RBFOX1: variants seen among roughly 807,000 people sequenced by gnomAD.
RBFOX1 encodes RNA binding fox-1 homolog 1, also known as RNA binding protein fox-1 homolog 1.
RBFOX1 carries 8 observed loss-of-function variants against 57.7 expected under a neutral mutation model. The ratio of observed to expected loss-of-function variants is 0.14; its 90% CI spans 0.08 to 0.25. The LOEUF (loss-of-function observed/expected upper bound fraction) is 0.25. Among genes scored for constraint, RBFOX1 ranks in the 10% least tolerant of loss-of-function variants. The pLI, the probability that RBFOX1 is intolerant of heterozygous loss-of-function variation, is 1.00. For synonymous variants in RBFOX1, 326 were observed against 222.4 expected, an observed-to-expected ratio of 1.47 and a Z score of -4.15; for missense variants, 611 against 548.5, an observed-to-expected ratio of 1.11 and a Z score of -1.14.
intron 2 of RBFOX1, among the ~76,000 whole-genome samples, chr16:6,605,819 GC>G (rs2097917758): frequency 6.6e-6 from 1 of 152,116 alleles, no homozygotes; most frequent in Admixed American, 6.5e-5. Flanking sequence ...ATGCATCCTG[GC>G]AGGCCACAGT....
chr16:5,258,912 GA>G (rs112423898), intron 1 of RBFOX1, among the ~76,000 whole-genome samples: 38 of 141,532 alleles, frequency 2.7e-4, no homozygotes, highest in African/African-American at 2.6e-4. Context: ...ACGAATCTCT[GA>G]AAAAAAAAAA....
intron 1 of RBFOX1, among the ~76,000 whole-genome samples, chr16:5,313,026 G>A (rs1397833675): frequency 1.3e-5 from 2 of 152,128 alleles, no homozygotes; most frequent in East Asian, 1.9e-4. Flanking sequence ...GGCAGGCTCA[G>A]TGATGAGATG....
rs549764819 is a variant in RBFOX1 at position 7,444,845 on chromosome 16, T to C, written c.28-73302T>C. Among the ~76,000 whole-genome samples the C allele has an allele frequency of 2.0e-5, 3 of 152,316 alleles. No individual in the cohort carries two copies. The South Asian group carries it at 6.2e-4, about 32-fold the overall frequency. Reference sequence around the variant, plus strand: ...CCGTGCCCCACTGACATTTTACTCTTAATCCTGGCCTGTATTTAAAGGGTC... The same window carrying C: ...CCGTGCCCCACTGACATTTTACTCTCAATCCTGGCCTGTATTTAAAGGGTC... On this transcript the variant is annotated intron_variant, in intron 4 of 15. Transcript: ENST00000550418.
intron 4 of RBFOX1, among the ~76,000 whole-genome samples, chr16:7,190,478 C>G (rs368298755): frequency 2.0e-5 from 3 of 152,030 alleles, no homozygotes; most frequent in African/African-American, 7.3e-5. Flanking sequence ...GGTATTTTTA[C>G]ATATCATCCA....
chr16:7,677,160 C>CAG (rs1555762483), intron 14 of RBFOX1, among the ~76,000 whole-genome samples: 51 of 151,340 alleles, frequency 3.4e-4, no homozygotes, highest in South Asian at 1.0e-3. Context: ...CACACACACA[C>CAG]CGTACAACCT....
intron 2 of RBFOX1, among the ~76,000 whole-genome samples, chr16:5,577,114 C>T (rs1326030927): frequency 6.6e-6 from 1 of 152,236 alleles, no homozygotes; most frequent in East Asian, 1.9e-4. Flanking sequence ...GTCTCTCTCT[C>T]TTAATGGACT....
At chr16:7,488,312 C>G (rs554441773) in intron 4 of RBFOX1, among the ~76,000 whole-genome samples, 2 of 152,240 alleles carry the variant, frequency 1.3e-5, no homozygotes, top group South Asian at 4.1e-4. Context: ...CATTTTTCTC[C>G]TTTTCTTTTT....
At chr16:7,478,838 C>G (rs939027802) in intron 4 of RBFOX1, among the ~76,000 whole-genome samples, 1 of 152,110 alleles carries the variant, frequency 6.6e-6, no homozygotes, top group Admixed American at 6.5e-5. Flanking sequence ...TGTAGAAAAC[C>G]TCCTTTGCTT....
At chr16:5,711,942 A>G (rs2051502419) in intron 3 of RBFOX1, among the ~76,000 whole-genome samples, 1 of 152,226 alleles carries the variant, frequency 6.6e-6, no homozygotes, top group African/African-American at 2.4e-5. Context: ...CTAAAAAGAA[A>G]TATCCCAGAC....
intron 13 of RBFOX1, among the ~76,000 whole-genome samples, chr16:7,669,120 T>C (rs2070490228): frequency 6.6e-6 from 1 of 152,166 alleles, no homozygotes; most frequent in South Asian, 2.1e-4. Context: ...GCCAGGCTGG[T>C]CTCAAACTCC....
intron 1 of RBFOX1, among the ~76,000 whole-genome samples, chr16:5,285,493 G>A (rs866227775): frequency 9.2e-5 from 14 of 152,068 alleles, no homozygotes; most frequent in African/African-American, 2.9e-4. Context: ...GAGAATTATT[G>A]TGCTTCTTTG....
At chr16:5,801,281 A>G (rs2055046037) in intron 3 of RBFOX1, among the ~76,000 whole-genome samples, 1 of 152,066 alleles carries the variant, frequency 6.6e-6, no homozygotes, top group African/African-American at 2.4e-5. Context: ...ATTTACATTA[A>G]GCACTTTCAA....
chr16:6,806,131 A>G (rs2086707959), intron 3 of RBFOX1, among the ~76,000 whole-genome samples: 1 of 152,218 alleles, frequency 6.6e-6, no homozygotes, highest in African/African-American at 2.4e-5. Flanking sequence ...TAGATGATTT[A>G]GAGTGGAATT....
At chr16:6,558,882 G>A (rs908257621) in intron 2 of RBFOX1, among the ~76,000 whole-genome samples, 1 of 151,152 alleles carries the variant, frequency 6.6e-6, no homozygotes, top group South Asian at 2.1e-4. Flanking sequence ...GACGTTGTGA[G>A]CATTCTGCTC....
intron 4 of RBFOX1, among the ~76,000 whole-genome samples, chr16:5,871,191 G>A (rs2057461947): frequency 1.3e-5 from 2 of 152,174 alleles, no homozygotes; most frequent in South Asian, 4.1e-4. Context: ...ACCCTGTAGA[G>A]GAAAGAGCTT....
At chr16:6,877,794 T>G (rs2062118906) in intron 3 of RBFOX1, among the ~76,000 whole-genome samples, 1 of 151,962 alleles carries the variant, frequency 6.6e-6, no homozygotes, top group South Asian at 2.1e-4. Context: ...TGCAGTTACA[T>G]TTTGCTTGTG....
chr16:6,193,993 C>G (rs2097163950), intron 1 of RBFOX1, among the ~76,000 whole-genome samples: 2 of 152,226 alleles, frequency 1.3e-5, no homozygotes, highest in Non-Finnish European at 1.5e-5. Flanking sequence ...CTAATTCACA[C>G]AACATGCCTC....
At chr16:7,308,292 G>C (rs1047764981) in intron 4 of RBFOX1, among the ~76,000 whole-genome samples, 3 of 57,116 alleles carry the variant, frequency 5.3e-5, no homozygotes, top group African/African-American at 2.0e-4. Flanking sequence ...ATTCCACCCA[G>C]AGCTGTTTTT....
chr16:7,078,235 C>A (rs560852662), intron 4 of RBFOX1, among the ~76,000 whole-genome samples: 3 of 152,184 alleles, frequency 2.0e-5, no homozygotes, highest in African/African-American at 7.2e-5. Context: ...GTCCACTATA[C>A]AGAGTTTTTT....
Sources: allele counts gnomAD v4.1 joint callset (sites outside exome capture counted in the v4.1 genomes callset), GRCh38; gene constraint gnomAD v4.1.1; transcripts MANE v1.5; gene names NCBI Gene and HGNC (gene_info 2026-07-23, HGNC 2026-07-21).